Variants in PARD3B observed in about 807,000 individuals in gnomAD.
PARD3B encodes partitioning defective 3 homolog B.
A neutral mutation model predicts 130.2 loss-of-function variants in PARD3B; 103 were observed. The ratio of observed to expected loss-of-function variants is 0.79; its 90% CI spans 0.67 to 0.93. PARD3B has a LOEUF of 0.93. PARD3B is among the 40% of genes least tolerant of loss of function. PARD3B has a pLI of 0.00. For synonymous variants in PARD3B, 583 were observed against 553.2 expected (o/e 1.05, Z -0.76); for missense variants, 1,609 against 1,499.2 (o/e 1.07, Z -1.21).
rs1355141091 is a variant in PARD3B, at chr2:205,158,424, G to A, written c.1435-298G>A. Among the ~76,000 whole-genome samples the A allele has an allele frequency of 6.6e-6, 1 of 152,150 alleles. No homozygotes were observed. Among genetic ancestry groups the A allele is most frequent in the Non-Finnish European group, 1.5e-5 (1 of 68,038 alleles). ...CTTTTTTATTATGGAGAATATCTTA[G>A]TAAATTTCCAAAGGCTTGCGAGGTG... On this transcript the variant is annotated intron_variant, in intron 10 of 22. Transcript: ENST00000406610. The surrounding 1 kb of genome is among the most constrained non-coding windows in gnomAD (Gnocchi z 5.4).
At chr2:204,815,065 C>A (rs959831925) in intron 2 of PARD3B, among the ~76,000 whole-genome samples, 1 of 151,756 alleles carries the variant, frequency 6.6e-6, no homozygotes, top group Admixed American at 6.6e-5. Flanking sequence ...TTAATGCTGG[C>A]CTCATAGAAT....
intron 2 of PARD3B, among the ~76,000 whole-genome samples, chr2:204,771,557 CCTGTAGGGTA>C (rs1457903919): frequency 6.6e-6 from 1 of 152,036 alleles, no homozygotes; most frequent in Non-Finnish European, 1.5e-5. Context: ...TGAAAAACTA[CCTGTAGGGTA>C]CTATGCTCAC....
At chr2:205,014,272 C>T (rs1046465991) in intron 3 of PARD3B, among the ~76,000 whole-genome samples, 1 of 152,198 alleles carries the variant, frequency 6.6e-6, no homozygotes, top group African/African-American at 2.4e-5. Flanking sequence ...GGCCTTGGAC[C>T]GTGGCTGCTT....
At chr2:204,950,473 G>A (rs1689678780) in intron 2 of PARD3B, among the ~76,000 whole-genome samples, 1 of 152,144 alleles carries the variant, frequency 6.6e-6, no homozygotes, top group Non-Finnish European at 1.5e-5. Flanking sequence ...CTAAGAAAGA[G>A]TACCAGTAGA....
intron 22 of PARD3B, among the ~76,000 whole-genome samples, chr2:205,588,970 G>A (rs1236160686): frequency 6.6e-6 from 1 of 152,122 alleles, no homozygotes; most frequent in Non-Finnish European, 1.5e-5. Context: ...ATGTTCTTGG[G>A]CCACAGAATA....
intron 4 of PARD3B, among the ~76,000 whole-genome samples, chr2:205,061,556 T>C (rs114547172): frequency 1.3e-3 from 195 of 152,236 alleles, no homozygotes; most frequent in African/African-American, 4.2e-3. Context: ...GTGTGTTAAA[T>C]ACATACGTAT....
At chr2:205,240,918 TGTAA>T (rs1355800829) in intron 15 of PARD3B, among the ~76,000 whole-genome samples, 1 of 152,194 alleles carries the variant, frequency 6.6e-6, no homozygotes, top group Non-Finnish European at 1.5e-5. Context: ...AGCCAATGTG[TGTAA>T]GTATTATGTG....
intron 3 of PARD3B, among the ~76,000 whole-genome samples, chr2:204,997,678 A>T (rs1194038389): frequency 6.6e-6 from 1 of 151,898 alleles, no homozygotes; most frequent in Non-Finnish European, 1.5e-5. Flanking sequence ...TATTCTTTTC[A>T]AATTATTTTA....
chr2:205,075,052 A>G (rs73057139), intron 4 of PARD3B, among the ~76,000 whole-genome samples: 168 of 152,348 alleles, frequency 1.1e-3, no homozygotes, highest in African/African-American at 3.8e-3. Flanking sequence ...AATCAAACTC[A>G]TTAATAAATA....
chr2:204,773,446 A>T (rs188179745), intron 2 of PARD3B, among the ~76,000 whole-genome samples: 133 of 152,244 alleles, frequency 8.7e-4, no homozygotes, highest in African/African-American at 3.0e-3. Context: ...TATATAAATC[A>T]TACAAAATAC....
chr2:204,928,761 A>T (rs144007047), intron 2 of PARD3B, among the ~76,000 whole-genome samples: 1 of 152,054 alleles, frequency 6.6e-6, no homozygotes, highest in South Asian at 2.1e-4. Context: ...TGCTTCTTTC[A>T]TACTTCTTTC....
intron 2 of PARD3B, among the ~76,000 whole-genome samples, chr2:204,946,829 C>G (rs1196693819): frequency 6.6e-6 from 1 of 152,126 alleles, no homozygotes; most frequent in African/African-American, 2.4e-5. Flanking sequence ...ATTGTAAAGT[C>G]CAGTGCAGAA....
chr2:204,601,850 AG>A (rs570695837), intron 1 of PARD3B, among the ~76,000 whole-genome samples: 247 of 152,174 alleles, frequency 1.6e-3, no homozygotes, highest in African/African-American at 5.4e-3. Context: ...TCTCTTCTTA[AG>A]GAATTCTAGG....
At chr2:205,003,022 A>C (rs908898814) in intron 3 of PARD3B, among the ~76,000 whole-genome samples, 1 of 152,178 alleles carries the variant, frequency 6.6e-6, no homozygotes, top group Non-Finnish European at 1.5e-5. Flanking sequence ...ACAAGGACTT[A>C]ACAAGACTGA....
intron 1 of PARD3B, among the ~76,000 whole-genome samples, chr2:204,608,636 G>C (rs1001193401): frequency 5.3e-5 from 8 of 152,068 alleles, no homozygotes; most frequent in Non-Finnish European, 1.5e-5. Flanking sequence ...TGGGAGTGTT[G>C]GTGACATTCA....
chr2:205,261,944 G>A (rs1250332704), intron 16 of PARD3B, among the ~76,000 whole-genome samples: 6 of 152,256 alleles, frequency 3.9e-5, no homozygotes, highest in East Asian at 1.9e-4. Context: ...TGCATGAGAA[G>A]GCTGTTTGAT....
chr2:205,185,983 T>C, intron 14 of PARD3B, 120 bp downstream of exon 14: 2 of 824,870 alleles, frequency 2.4e-6, no homozygotes, highest in Non-Finnish European at 4.0e-6. Flanking sequence ...AATCTTATAG[T>C]ATCTATAATT....
intron 2 of PARD3B, among the ~76,000 whole-genome samples, chr2:204,704,221 T>C (rs552809558): frequency 6.6e-6 from 1 of 152,312 alleles, no homozygotes; most frequent in East Asian, 1.9e-4. Flanking sequence ...TATTTTTTAT[T>C]TTGAATAAAA....
chr2:205,135,690 T>C (rs542907190), intron 10 of PARD3B, among the ~76,000 whole-genome samples: 2 of 152,204 alleles, frequency 1.3e-5, no homozygotes, highest in African/African-American at 4.8e-5. Flanking sequence ...CAATGACTTT[T>C]AAATATGTTC....
Sources: allele counts gnomAD v4.1 joint callset (sites outside exome capture counted in the v4.1 genomes callset), GRCh38; gene constraint gnomAD v4.1.1; non-coding constraint Gnocchi (gnomAD v3.1); transcripts MANE v1.5; gene names NCBI Gene and HGNC (gene_info 2026-07-23, HGNC 2026-07-21).